The following OSBPL10 variants were observed in gnomAD, a reference collection of about 807,000 sequenced individuals.
The protein encoded by OSBPL10 is oxysterol binding protein like 10.
In OSBPL10, 49 loss-of-function variants were observed where a neutral mutation model predicts 81.7. The ratio of observed to expected loss-of-function variants is 0.60; its 90% CI spans 0.48 to 0.76. OSBPL10 has a LOEUF of 0.76. Among genes scored for constraint, OSBPL10 ranks in the 30% least tolerant of loss-of-function variants. The pLI is 0.00. For synonymous variants in OSBPL10, 419 were observed against 383.6 expected, an observed-to-expected ratio of 1.09 and a Z score of -1.08; for missense variants, 923 against 987.8, an observed-to-expected ratio of 0.93 and a Z score of 0.88.
At chr3:31,812,072 G>A (rs34913392) in intron 4 of OSBPL10, among the ~76,000 whole-genome samples, 1,908 of 152,164 alleles carry the variant, frequency 0.013, 18 homozygotes, top group Non-Finnish European at 0.019. Context: ...TTGTTGCCCA[G>A]GCTGGAGTGC....
At chr3:31,704,883 C>T (rs1696010334) in intron 6 of OSBPL10, 1 of 152,258 alleles carries the variant, frequency 6.6e-6, no homozygotes, top group Admixed American at 6.5e-5. Context: ...AAGTCTTCCA[C>T]AAGATCCAGC....
At chr3:32,029,855 G>T (rs1375686186) in intron 2 of OSBPL10, among the ~76,000 whole-genome samples, 4 of 152,192 alleles carry the variant, frequency 2.6e-5, no homozygotes, top group Admixed American at 2.6e-4. Context: ...AGTGATTGCA[G>T]CTTCTTTATG....
At chr3:32,031,497 T>C (rs141795653) in intron 2 of OSBPL10, among the ~76,000 whole-genome samples, 1,640 of 152,178 alleles carry the variant, frequency 0.011, 39 homozygotes, top group African/African-American at 0.037. Flanking sequence ...AGTCTCACTC[T>C]GTCACCCCAG....
upstream of OSBPL10, among the ~76,000 whole-genome samples, chr3:31,984,838 C>T (rs956299612): frequency 6.6e-6 from 1 of 152,178 alleles, no homozygotes; most frequent in African/African-American, 2.4e-5. Flanking sequence ...GTGGCCTGTG[C>T]CCGGGAATGA....
intron 5 of OSBPL10, among the ~76,000 whole-genome samples, chr3:31,738,284 T>A (rs549612627): frequency 1.0e-3 from 155 of 151,682 alleles, no homozygotes; most frequent in Admixed American, 1.9e-3. Flanking sequence ...GACAGAATAG[T>A]ATAATGAATC....
chr3:31,784,334 G>C (rs556780175), intron 4 of OSBPL10, among the ~76,000 whole-genome samples: 1 of 151,428 alleles, frequency 6.6e-6, no homozygotes, highest in African/African-American at 2.4e-5. Flanking sequence ...CTGCACTCCA[G>C]CCTGGGTGAC....
intron 1 of OSBPL10, among the ~76,000 whole-genome samples, chr3:31,903,856 G>A (rs887802694): frequency 2.6e-5 from 4 of 152,118 alleles, no homozygotes; most frequent in Admixed American, 2.6e-4. Context: ...GCAGGGTGAC[G>A]GGGTTGCGGG....
chr3:31,817,393 C>T (rs1699864990), intron 4 of OSBPL10, among the ~76,000 whole-genome samples: 2 of 152,200 alleles, frequency 1.3e-5, no homozygotes, highest in Admixed American at 1.3e-4. Context: ...AGTAAGGGTA[C>T]AAGGGAGGCC....
At chr3:31,977,862 T>C (rs1698730365) in intron 1 of OSBPL10, among the ~76,000 whole-genome samples, 1 of 152,182 alleles carries the variant, frequency 6.6e-6, no homozygotes, top group African/African-American at 2.4e-5. Context: ...TTCCCCATAC[T>C]CTAAGTATTT....
At position 31,788,961 on chromosome 3, in the gene OSBPL10, C is replaced by CT. The variant is rs1401680024; in HGVS notation, c.730-40842dup. ...ATACTTCCTTCCTGGATGTTTCTTT[C>CT]TTTTTTTTTTTGGTTTTGTTTTGTT... On this transcript the variant is annotated intron_variant, in intron 4 of 11. Transcript: ENST00000396556. Among the ~76,000 whole-genome samples the CT allele has an allele frequency of 3.0e-3, 440 of 144,854 alleles. 3 individuals are homozygous for CT. The highest frequency in any genetic ancestry group is 0.014 in the East Asian group (68 of 4,982).
chr3:31,965,490 T>TTATATA (rs1698313763), intron 1 of OSBPL10, among the ~76,000 whole-genome samples: 1 of 71,148 alleles, frequency 1.4e-5, no homozygotes, highest in Non-Finnish European at 2.5e-5. Context: ...ATTATCTATT[T>TTATATA]TATATAATAT....
At chr3:31,883,393 C>T (rs943006001) in intron 1 of OSBPL10, among the ~76,000 whole-genome samples, 5 of 151,958 alleles carry the variant, frequency 3.3e-5, no homozygotes, top group East Asian at 1.9e-4. Flanking sequence ...GACACCACCA[C>T]GCCCAGCTAA....
At chr3:32,033,436 A>T (rs1323607164) in intron 2 of OSBPL10, among the ~76,000 whole-genome samples, 1 of 152,222 alleles carries the variant, frequency 6.6e-6, no homozygotes, top group African/African-American at 2.4e-5. Context: ...TACTTGTTGA[A>T]GGAGTACATG....
At chr3:31,991,723 A>G (rs1007596090) in intron 2 of OSBPL10, 1 of 156,552 alleles carries the variant, frequency 6.4e-6, no homozygotes, top group African/African-American at 2.4e-5. Context: ...GAAAAAAAAA[A>G]TGGATAACTA....
chr3:31,744,645 G>A (rs1221690639), intron 5 of OSBPL10, among the ~76,000 whole-genome samples: 2 of 151,880 alleles, frequency 1.3e-5, no homozygotes, highest in Non-Finnish European at 2.9e-5. Flanking sequence ...AGCACCTGAT[G>A]TGACATAATT....
intron 4 of OSBPL10, among the ~76,000 whole-genome samples, chr3:31,822,957 A>G (rs190583447): frequency 1.3e-5 from 2 of 151,914 alleles, no homozygotes; most frequent in Admixed American, 1.3e-4. Flanking sequence ...ATACAATACA[A>G]TAAATACCAT....
intron 4 of OSBPL10, among the ~76,000 whole-genome samples, chr3:31,819,517 C>T (rs1157825744): frequency 1.3e-5 from 2 of 152,108 alleles, no homozygotes; most frequent in South Asian, 4.1e-4. Context: ...TCATCGAGTC[C>T]TCATTGGGGT....
intron 5 of OSBPL10, among the ~76,000 whole-genome samples, chr3:31,739,540 G>C (rs1303964376): frequency 6.6e-6 from 1 of 152,192 alleles, no homozygotes; most frequent in Non-Finnish European, 1.5e-5. Context: ...AATTGGATTA[G>C]TGTCTCTGAT....
At chr3:31,674,258 G>A (rs1700397780) in intron 8 of OSBPL10, among the ~76,000 whole-genome samples, 1 of 152,114 alleles carries the variant, frequency 6.6e-6, no homozygotes, top group South Asian at 2.1e-4. Flanking sequence ...AGAGCTAGTT[G>A]TCAAAAAGAG....
Sources: allele counts gnomAD v4.1 joint callset (sites outside exome capture counted in the v4.1 genomes callset), GRCh38; gene constraint gnomAD v4.1.1; transcripts MANE v1.5; gene names NCBI Gene and HGNC (gene_info 2026-07-23, HGNC 2026-07-21).